The following QTGAL variants were observed in gnomAD, a reference collection of about 807,000 sequenced individuals.
QTGAL encodes BGnT-like protein 1.
At chr17:82,950,759 TG>T in the QTGAL span, among the ~76,000 whole-genome samples, 1 of 152,246 alleles carries the variant, frequency 6.6e-6, no homozygotes, top group South Asian at 2.1e-4. Flanking sequence ...TCAGAGCTCC[TG>T]GGTGACCAGG....
At chr17:83,015,332 C>A in the QTGAL span, among the ~76,000 whole-genome samples, 15 of 152,404 alleles carry the variant, frequency 9.8e-5, no homozygotes, top group African/African-American at 3.4e-4. The surrounding 1 kb of genome is among the most constrained non-coding windows in gnomAD (Gnocchi z 4.4). Context: ...TGACGTCTGA[C>A]TACTTGGGTA....
At chr17:83,030,299 G>A in the QTGAL span, among the ~76,000 whole-genome samples, 1 of 152,144 alleles carries the variant, frequency 6.6e-6, no homozygotes, top group Non-Finnish European at 1.5e-5. Flanking sequence ...TGGAGAGGAG[G>A]GCCCAGCTCA....
chr17:82,991,192 A>C, the QTGAL span, among the ~76,000 whole-genome samples: 1 of 152,168 alleles, frequency 6.6e-6, no homozygotes, highest in Non-Finnish European at 1.5e-5. Context: ...TCTTAGATAC[A>C]ACATCAAAAC....
chr17:83,034,955 C>T, the QTGAL span: 359 of 1,179,150 alleles, frequency 3.0e-4, 1 homozygote, highest in South Asian at 1.8e-3. Flanking sequence ...TTTCAAGAAC[C>T]GCACTAAAAT....
the QTGAL span, among the ~76,000 whole-genome samples, chr17:82,966,432 G>C: frequency 6.6e-6 from 1 of 152,198 alleles, no homozygotes; most frequent in East Asian, 1.9e-4. Flanking sequence ...CATGAACAAA[G>C]TTGAAGTTTC....
At chr17:83,008,086 G>A in the QTGAL span, among the ~76,000 whole-genome samples, 5 of 152,366 alleles carry the variant, frequency 3.3e-5, no homozygotes, top group East Asian at 1.9e-4. Flanking sequence ...AGGAGGAGGC[G>A]CAGGGAAGAG....
the QTGAL span, chr17:83,048,508 C>T: frequency 1.2e-6 from 2 of 1,613,830 alleles, no homozygotes; most frequent in Non-Finnish European, 1.7e-6. Flanking sequence ...CCCCAATGAT[C>T]ACGTGGACAC....
the QTGAL span, among the ~76,000 whole-genome samples, chr17:83,044,827 A>T: frequency 8.9e-4 from 135 of 152,144 alleles, no homozygotes; most frequent in African/African-American, 3.2e-3. Flanking sequence ...ACGCCTGTAG[A>T]CCCAGCTGCT....
the QTGAL span, chr17:82,965,530 C>T: frequency 2.0e-6 from 2 of 1,003,950 alleles, no homozygotes; most frequent in South Asian, 1.5e-5. Flanking sequence ...GCAGGGGTTT[C>T]CTAAATCTGC....
the QTGAL span, among the ~76,000 whole-genome samples, chr17:83,013,609 C>T: frequency 2.0e-5 from 3 of 150,718 alleles, no homozygotes; most frequent in African/African-American, 5.0e-5. Flanking sequence ...CTGCCGTGAC[C>T]AGGCCCGTCT....
the QTGAL span, chr17:82,949,887 C>A: frequency 6.6e-6 from 1 of 152,202 alleles, no homozygotes; most frequent in African/African-American, 2.4e-5. Context: ...ATGAGTGCCA[C>A]AACACCAGCG....
At chr17:82,951,945 T>C in the QTGAL span, among the ~76,000 whole-genome samples, 5 of 151,176 alleles carry the variant, frequency 3.3e-5, no homozygotes, top group Admixed American at 6.6e-5. Context: ...GTTTGACATA[T>C]TGCGAGAATT....
the QTGAL span, among the ~76,000 whole-genome samples, chr17:82,985,428 TC>T: frequency 5.3e-5 from 8 of 152,200 alleles, no homozygotes; most frequent in Non-Finnish European, 7.3e-5. Flanking sequence ...ACACGTTAAT[TC>T]CCACTAACTT....
At chr17:82,978,663 T>C in the QTGAL span, 1 of 152,216 alleles carries the variant, frequency 6.6e-6, no homozygotes, top group African/African-American at 2.4e-5. The surrounding 1 kb of genome is among the most constrained non-coding windows in gnomAD (Gnocchi z 4.8). Context: ...GTATTTTTCT[T>C]AGTTAATTTA....
At chr17:83,038,603 A>G in the QTGAL span, among the ~76,000 whole-genome samples, 1 of 152,228 alleles carries the variant, frequency 6.6e-6, no homozygotes, top group African/African-American at 2.4e-5. Flanking sequence ...TCACACCTGT[A>G]ATCCCAGCAC....
At chr17:82,965,816 T>C in the QTGAL span, 11 of 1,435,842 alleles carry the variant, frequency 7.7e-6, no homozygotes, top group Admixed American at 2.0e-5. Context: ...GCAGTTTATT[T>C]CCACAAAGTG....
At chr17:83,002,779 C>T in the QTGAL span, among the ~76,000 whole-genome samples, 2 of 152,328 alleles carry the variant, frequency 1.3e-5, no homozygotes, top group East Asian at 1.9e-4. Context: ...GCTCTTGGAA[C>T]GTGCTGGGGG....
the QTGAL span, among the ~76,000 whole-genome samples, chr17:82,957,777 C>G: frequency 5.9e-5 from 9 of 152,306 alleles, no homozygotes; most frequent in African/African-American, 2.2e-4. Flanking sequence ...GGCAGAATTT[C>G]TGTAGGACGC....
At chr17:82,993,876 A>G in the QTGAL span, among the ~76,000 whole-genome samples, 1 of 152,134 alleles carries the variant, frequency 6.6e-6, no homozygotes, top group African/African-American at 2.4e-5. Context: ...TATACAAACA[A>G]TGGTAATTTA....
Sources: gnomAD v4.1 joint callset for allele counts (sites outside exome capture counted in the v4.1 genomes callset) on GRCh38, gnomAD v4.1.1 for gene constraint, Gnocchi (gnomAD v3.1) non-coding constraint, MANE v1.5 for transcripts, NCBI Gene and HGNC (gene_info 2026-07-23, HGNC 2026-07-21) for gene names.